ASIC2: variants seen among roughly 807,000 people sequenced by gnomAD.
ASIC2 encodes acid-sensing ion channel 2.
A neutral mutation model predicts 57.3 loss-of-function variants in ASIC2; 25 were observed. The observed-to-expected ratio is 0.44, with a 90% CI of 0.32 to 0.61. ASIC2 has a LOEUF of 0.61. Among genes scored for constraint, ASIC2 ranks in the 20% least tolerant of loss-of-function variants. The pLI is 0.06. For synonymous variants in ASIC2, 319 were observed against 307.5 expected, an observed-to-expected ratio of 1.04 and a Z score of -0.39; for missense variants, 641 against 738.1, an observed-to-expected ratio of 0.87 and a Z score of 1.52.
intron 1 of ASIC2, among the ~76,000 whole-genome samples, chr17:33,387,279 C>G (rs1449867656): frequency 6.6e-6 from 1 of 152,194 alleles, no homozygotes; most frequent in Non-Finnish European, 1.5e-5. Context: ...AATTGAGGCT[C>G]AGAAAGATTA....
intron 4 of ASIC2, among the ~76,000 whole-genome samples, chr17:33,027,765 G>A (rs983507913): frequency 6.6e-6 from 1 of 152,218 alleles, no homozygotes; most frequent in Non-Finnish European, 1.5e-5. Flanking sequence ...ATGGCCACAT[G>A]CATTGTTAGT....
intron 1 of ASIC2, among the ~76,000 whole-genome samples, chr17:33,390,353 T>G (rs1909846114): frequency 6.6e-6 from 1 of 152,164 alleles, no homozygotes; most frequent in African/African-American, 2.4e-5. Context: ...CTCTTCTCTT[T>G]TCTTCCTTTA....
chr17:34,089,629 C>T (rs935809297), intron 1 of ASIC2, among the ~76,000 whole-genome samples: 1 of 152,162 alleles, frequency 6.6e-6, no homozygotes, highest in Non-Finnish European at 1.5e-5. Context: ...ATATACTTCC[C>T]TCACCTCTCT....
chr17:33,366,912 A>G (rs1908830496), intron 1 of ASIC2, among the ~76,000 whole-genome samples: 1 of 152,220 alleles, frequency 6.6e-6, no homozygotes, highest in African/African-American at 2.4e-5. Context: ...AATGTTTGCA[A>G]TGAGCATACA....
At chr17:33,207,668 C>T (rs986030344) in intron 1 of ASIC2, among the ~76,000 whole-genome samples, 4 of 152,330 alleles carry the variant, frequency 2.6e-5, no homozygotes, top group Non-Finnish European at 5.9e-5. Context: ...ACACTGGCCC[C>T]GTTTCCAACC....
chr17:33,610,716 AAAATAAAT>A (rs10677853), intron 1 of ASIC2, among the ~76,000 whole-genome samples: 22 of 149,252 alleles, frequency 1.5e-4, no homozygotes, highest in African/African-American at 3.3e-4. Flanking sequence ...AAATAAATAA[AAAATAAAT>A]AAATAAATAA....
chr17:33,044,376 T>G (rs1199623177), intron 3 of ASIC2, among the ~76,000 whole-genome samples: 2 of 152,106 alleles, frequency 1.3e-5, no homozygotes, highest in Non-Finnish European at 2.9e-5. Flanking sequence ...TATTTTTTAT[T>G]TTTTTATTTT....
chr17:33,041,597 C>T (rs1195475513), intron 3 of ASIC2, among the ~76,000 whole-genome samples: 2 of 152,238 alleles, frequency 1.3e-5, no homozygotes, highest in Non-Finnish European at 2.9e-5. Flanking sequence ...TAAGCCAGAA[C>T]TCGGGTTCTA....
intron 1 of ASIC2, among the ~76,000 whole-genome samples, chr17:33,682,172 G>C (rs1433665911): frequency 1.3e-5 from 2 of 149,548 alleles, no homozygotes; most frequent in Non-Finnish European, 2.9e-5. Flanking sequence ...CCATTCTCCT[G>C]CCTCAGCCTC....
intron 1 of ASIC2, among the ~76,000 whole-genome samples, chr17:34,045,824 T>TGG (rs1908314074): frequency 6.6e-6 from 1 of 152,196 alleles, no homozygotes; most frequent in African/African-American, 2.4e-5. Context: ...TATAACCCTG[T>TGG]ATACAGACAC....
intron 1 of ASIC2, among the ~76,000 whole-genome samples, chr17:33,339,497 T>A (rs1246556496): frequency 6.6e-6 from 1 of 152,228 alleles, no homozygotes; most frequent in Non-Finnish European, 1.5e-5. Flanking sequence ...ATCCCTGCTA[T>A]TCCCTAGGAA....
intron 1 of ASIC2, among the ~76,000 whole-genome samples, chr17:33,856,997 C>A (rs1396407907): frequency 6.6e-6 from 1 of 152,034 alleles, no homozygotes; most frequent in South Asian, 2.1e-4. Context: ...GGGGACCCCA[C>A]CTAAGGAGGA....
intron 1 of ASIC2, among the ~76,000 whole-genome samples, chr17:33,550,965 T>A (rs1159427281): frequency 6.6e-6 from 1 of 152,196 alleles, no homozygotes; most frequent in Non-Finnish European, 1.5e-5. Context: ...AAGCTCTGGG[T>A]GGGCTTAATG....
chr17:33,382,546 G>A (rs1909526645), intron 1 of ASIC2, among the ~76,000 whole-genome samples: 1 of 152,182 alleles, frequency 6.6e-6, no homozygotes, highest in Non-Finnish European at 1.5e-5. Flanking sequence ...AGTCACATAA[G>A]GAAAATAGGA....
At chr17:33,712,711 T>C (rs1909085268) in intron 1 of ASIC2, among the ~76,000 whole-genome samples, 1 of 137,738 alleles carries the variant, frequency 7.3e-6, no homozygotes, top group Admixed American at 8.1e-5. Context: ...AGTGGCGGGA[T>C]CTCGGCTCAC....
chr17:33,896,337 G>A (rs781074573), intron 1 of ASIC2, among the ~76,000 whole-genome samples: 28 of 152,286 alleles, frequency 1.8e-4, no homozygotes, highest in Non-Finnish European at 3.2e-4. Flanking sequence ...TCTCATCGCC[G>A]GCTTTATGTT....
rs562808933 is a variant in ASIC2 at position 33,583,375 on chromosome 17, C to G, written c.556-471308G>C. ...GCATAAATGGCCCCATTACTTACTG[C>G]GGACTTAGAAGGCCTTATATTAGAA... On this transcript the variant is annotated intron_variant, in intron 1 of 9. Transcript: ENST00000359872. Among the ~76,000 whole-genome samples, 9 of 152,288 alleles carry G rather than the reference C, an allele frequency of 5.9e-5. No homozygotes were observed. The South Asian group carries it at 8.3e-4, about 14-fold the overall frequency.
intron 1 of ASIC2, among the ~76,000 whole-genome samples, chr17:33,699,373 C>T (rs930102252): frequency 3.3e-5 from 5 of 152,162 alleles, no homozygotes; most frequent in African/African-American, 9.7e-5. Context: ...TCCTTCCCCA[C>T]TACTAACTGT....
chr17:33,071,485 T>C (rs2092068859), intron 3 of ASIC2, among the ~76,000 whole-genome samples: 1 of 152,236 alleles, frequency 6.6e-6, no homozygotes, highest in African/African-American at 2.4e-5. Context: ...GATTTAGCTA[T>C]AAATGTTTTA....
Sources: gnomAD v4.1 joint callset for allele counts (sites outside exome capture counted in the v4.1 genomes callset) on GRCh38, gnomAD v4.1.1 for gene constraint, MANE v1.5 for transcripts, NCBI Gene and HGNC (gene_info 2026-07-23, HGNC 2026-07-21) for gene names.